Variants in TMEM132B observed in about 807,000 individuals in gnomAD.
The protein encoded by TMEM132B is transmembrane protein 132B.
A neutral mutation model predicts 90.8 loss-of-function variants in TMEM132B; 18 were observed. The observed-to-expected ratio is 0.20, with a 90% confidence interval of 0.14 to 0.29. The LOEUF is 0.29. Ranked by LOEUF, TMEM132B falls within the 10% of genes least tolerant of loss-of-function variation. TMEM132B has a pLI of 1.00. For synonymous variants in TMEM132B, 504 were observed against 523.3 expected (o/e 0.96, Z 0.50); for missense variants, 1,096 against 1,326.8 (o/e 0.83, Z 2.70).
chr12:125,561,731 G>A (rs1366978244), intron 4 of TMEM132B, among the ~76,000 whole-genome samples: 3 of 151,674 alleles, frequency 2.0e-5, no homozygotes, highest in Non-Finnish European at 2.9e-5. Flanking sequence ...TGAACAGTAG[G>A]TCTCAACTAT....
At chr12:125,228,464 T>C (rs1873732755) in intron 1 of TMEM132B, among the ~76,000 whole-genome samples, 1 of 151,646 alleles carries the variant, frequency 6.6e-6, no homozygotes, top group African/African-American at 2.4e-5. Context: ...GGGGGAAGAG[T>C]CGAACAATTT....
At chr12:125,210,489 T>C (rs1873295307) in intron 1 of TMEM132B, among the ~76,000 whole-genome samples, 1 of 152,010 alleles carries the variant, frequency 6.6e-6, no homozygotes, top group Non-Finnish European at 1.5e-5. Context: ...AGCAGTGAAG[T>C]GACTGGACCA....
intron 5 of TMEM132B, among the ~76,000 whole-genome samples, chr12:125,593,988 C>T (rs1254956608): frequency 6.6e-6 from 1 of 152,052 alleles, no homozygotes; most frequent in Non-Finnish European, 1.5e-5. Context: ...GAAATTATCA[C>T]CAAAATCAAA....
At chr12:125,427,390 T>A (rs939373357) in intron 3 of TMEM132B, among the ~76,000 whole-genome samples, 3 of 152,172 alleles carry the variant, frequency 2.0e-5, no homozygotes, top group African/African-American at 7.2e-5. Context: ...GGGTCAGAGA[T>A]GTTAAGAGCC....
At chr12:125,307,793 T>TTACAAGTATATATACTTATAG (rs1876021691) in intron 1 of TMEM132B, among the ~76,000 whole-genome samples, 1 of 148,308 alleles carries the variant, frequency 6.7e-6, no homozygotes, top group South Asian at 2.1e-4. Flanking sequence ...TACAAGTATA[T>TTACAAGTATATATACTTATAG]TACAAGTATA....
chr12:125,267,842 T>G (rs1267072090), intron 1 of TMEM132B, among the ~76,000 whole-genome samples: 1 of 152,178 alleles, frequency 6.6e-6, no homozygotes, highest in African/African-American at 2.4e-5. Context: ...AGTGTCTTGA[T>G]TTTTTCAATC....
intron 2 of TMEM132B, among the ~76,000 whole-genome samples, chr12:125,354,114 G>A (rs1348423293): frequency 6.6e-6 from 1 of 152,176 alleles, no homozygotes; most frequent in East Asian, 1.9e-4. Context: ...GAGTTAAAGC[G>A]ACAGGAGAGG....
chr12:125,362,158 T>C (rs1294404468), intron 2 of TMEM132B, among the ~76,000 whole-genome samples: 1 of 152,186 alleles, frequency 6.6e-6, no homozygotes, highest in Non-Finnish European at 1.5e-5. Context: ...TGCAAGTGGC[T>C]GGGGCATGAC....
At chr12:125,287,655 A>C (rs1238409008) in intron 1 of TMEM132B, among the ~76,000 whole-genome samples, 2 of 152,220 alleles carry the variant, frequency 1.3e-5, no homozygotes, top group African/African-American at 4.8e-5. Context: ...ATGCAAAACA[A>C]AAATGAAACC....
At chr12:125,409,830 T>G (rs1593128993) in intron 2 of TMEM132B, among the ~76,000 whole-genome samples, 1 of 13,034 alleles carries the variant, frequency 7.7e-5, no homozygotes, top group Non-Finnish European at 1.5e-4. Context: ...AGGAGTGGAG[T>G]GGAGTGGAGT....
chr12:125,480,526 C>T (rs1204465608), intron 3 of TMEM132B, among the ~76,000 whole-genome samples: 3 of 152,088 alleles, frequency 2.0e-5, no homozygotes, highest in Non-Finnish European at 2.9e-5. Context: ...GGATAAATTC[C>T]GGGCCACATA....
chr12:125,502,714 A>G (rs1339797213), intron 3 of TMEM132B, among the ~76,000 whole-genome samples: 1 of 152,244 alleles, frequency 6.6e-6, no homozygotes, highest in Non-Finnish European at 1.5e-5. Flanking sequence ...ACTAGAATAT[A>G]AACTCCAGAA....
At chr12:125,591,037 TTG>T (rs1316294418) in intron 5 of TMEM132B, among the ~76,000 whole-genome samples, 1 of 147,120 alleles carries the variant, frequency 6.8e-6, no homozygotes, top group Non-Finnish European at 1.5e-5. Flanking sequence ...GTGTGTGTGT[TTG>T]TGTGTGTGTG....
intron 4 of TMEM132B, among the ~76,000 whole-genome samples, chr12:125,576,774 T>C (rs1008667585): frequency 3.2e-4 from 48 of 152,190 alleles, no homozygotes; most frequent in African/African-American, 1.1e-3. Flanking sequence ...TTACATTGAT[T>C]AATTTTCATA....
At chr12:125,494,566 A>G (rs1882474949) in intron 3 of TMEM132B, among the ~76,000 whole-genome samples, 1 of 77,424 alleles carries the variant, frequency 1.3e-5, no homozygotes, top group Non-Finnish European at 2.6e-5. Flanking sequence ...CCTCCCTGGA[A>G]GAAATGGATG....
At chr12:125,202,014 C>A (rs1030865445) in intron 1 of TMEM132B, among the ~76,000 whole-genome samples, 64 of 152,188 alleles carry the variant, frequency 4.2e-4, no homozygotes, top group African/African-American at 1.5e-3. Context: ...TTCTCCCTTG[C>A]TGTAAATCCC....
intron 1 of TMEM132B, among the ~76,000 whole-genome samples, chr12:125,218,718 A>G (rs998378601): frequency 6.6e-6 from 1 of 151,288 alleles, no homozygotes; most frequent in African/African-American, 2.4e-5. Flanking sequence ...GCAAGATAAA[A>G]GTACTTGGGA....
Position 125,429,449 on chromosome 12 carries a change from G to A in TMEM132B, c.1106+13772G>A, listed in dbSNP as rs542488875. Among the ~76,000 whole-genome samples the A allele has an allele frequency of 2.4e-3, 360 of 151,928 alleles. 2 individuals carry two copies. Among genetic ancestry groups the A allele is most frequent in the Non-Finnish European group, 2.8e-3 (191 of 67,962 alleles). ...TCAAACCCCTGACCTCAGGTGATCC[G>A]CCTGCCTTGGCCTCCCAAAGTGCTG... is the stretch of plus-strand genomic sequence containing the variant. On this transcript the variant is annotated intron_variant, in intron 3 of 8. Coordinates refer to ENST00000682704, the MANE Select transcript of TMEM132B (RefSeq NM_001366854.1).
At chr12:125,293,853 G>A (rs936333582) in intron 1 of TMEM132B, among the ~76,000 whole-genome samples, 1 of 152,162 alleles carries the variant, frequency 6.6e-6, no homozygotes, top group Non-Finnish European at 1.5e-5. Context: ...GCTTGTAACC[G>A]CTCTGAACTA....
Sources: allele counts gnomAD v4.1 joint callset (sites outside exome capture counted in the v4.1 genomes callset), GRCh38; gene constraint gnomAD v4.1.1; transcripts MANE v1.5; gene names NCBI Gene and HGNC (gene_info 2026-07-23, HGNC 2026-07-21).